Variants in MYH15 observed in about 807,000 individuals in gnomAD.
MYH15 encodes the protein myosin-15.
A neutral mutation model predicts 240.5 loss-of-function variants in MYH15; 227 were observed. That is an observed-to-expected ratio of 0.94 (90% CI 0.85 to 1.05). The LOEUF (loss-of-function observed/expected upper bound fraction) is 1.05, where lower values mean the gene tolerates loss of function less well. Ranked by LOEUF, MYH15 falls within the 50% of genes least tolerant of loss-of-function variation. MYH15 has a pLI of 0.00. For synonymous variants in MYH15, 785 were observed against 796.7 expected (o/e 0.99, Z 0.25); for missense variants, 2,217 against 2,247.5 (o/e 0.99, Z 0.27).
the MYH15 span, among the ~76,000 whole-genome samples, chr3:108,547,229 C>T: frequency 1.9e-3 from 284 of 152,106 alleles, no homozygotes; most frequent in Non-Finnish European, 3.5e-3. Flanking sequence ...TCTGGAACCC[C>T]TGCCTCAAAT....
At chr3:108,484,563 C>T (rs1253746921) in intron 11 of MYH15, among the ~76,000 whole-genome samples, 2 of 152,176 alleles carry the variant, frequency 1.3e-5, no homozygotes, top group African/African-American at 4.8e-5. Flanking sequence ...ACTACAACCT[C>T]TACCTCCCAG....
At chr3:108,483,985 G>T (rs1052304507) in intron 11 of MYH15, among the ~76,000 whole-genome samples, 1 of 152,150 alleles carries the variant, frequency 6.6e-6, no homozygotes, top group Non-Finnish European at 1.5e-5. Flanking sequence ...TGATGAAAAA[G>T]TTCTGGCAGT....
chr3:108,509,406 G>A lies in MYH15; in HGVS notation c.88+1037C>T, dbSNP rs989379634. 2.0e-5 allele frequency among the ~76,000 whole-genome samples: 3 copies of A among 152,108 alleles called. No homozygotes were observed. The South Asian group carries it at 6.2e-4, about 32-fold the overall frequency. On this transcript the variant is annotated intron_variant, in intron 1 of 40. Coordinates refer to ENST00000693548, the MANE Select transcript of MYH15 (RefSeq NM_014981.3). The stretch of plus-strand genomic sequence containing the variant: ...AACTACCTGCGATAAGCCTCTGCAT[G>A]ACCAGTTCTGACCTCAGGGATAGTT...
chr3:108,398,494 T>C (rs1272122831), intron 35 of MYH15, 143 bp downstream of exon 35: 1 of 732,300 alleles, frequency 1.4e-6, no homozygotes, highest in Admixed American at 2.3e-5. Flanking sequence ...TGGGAACAAA[T>C]GAAGAGTATG....
At chr3:108,468,852 G>C (rs948013825) in intron 14 of MYH15, among the ~76,000 whole-genome samples, 4 of 152,120 alleles carry the variant, frequency 2.6e-5, no homozygotes, top group Non-Finnish European at 5.9e-5. Context: ...TATTATAGGT[G>C]ACAATCGCCA....
chr3:108,489,126 T>C (rs1196856246), intron 9 of MYH15, among the ~76,000 whole-genome samples: 1 of 152,236 alleles, frequency 6.6e-6, no homozygotes, highest in Non-Finnish European at 1.5e-5. Flanking sequence ...TTCTTGCTAT[T>C]GAGTTGAGTT....
At chr3:108,444,922 C>G in intron 21 of MYH15, 27 bp from the exon 22 acceptor site, 2 of 1,581,314 alleles carry the variant, frequency 1.3e-6, no homozygotes, top group Non-Finnish European at 8.6e-7. Flanking sequence ...AAAAGAAAAG[C>G]AAGTTAGCCC....
chr3:108,499,312 T>C, intron 5 of MYH15, 143 bp downstream of exon 5: 2 of 853,934 alleles, frequency 2.3e-6, no homozygotes, highest in Admixed American at 2.6e-5. Context: ...CCTGAGTATC[T>C]TTTTCTTACC....
intron 24 of MYH15, among the ~76,000 whole-genome samples, chr3:108,438,804 T>C (rs1362233982): frequency 1.3e-5 from 2 of 152,098 alleles, no homozygotes; most frequent in African/African-American, 4.8e-5. Context: ...GCCACCCAGT[T>C]TATGGTATTT....
intron 24 of MYH15, 62 bp from the exon 25 acceptor site, chr3:108,437,761 G>A: frequency 6.7e-7 from 1 of 1,483,964 alleles, no homozygotes; most frequent in Non-Finnish European, 9.0e-7. Flanking sequence ...CACTAGATGT[G>A]TTCATTAACC....
At chr3:108,470,923 C>A in intron 12 of MYH15, 76 bp from the exon 13 acceptor site, 6 of 1,471,834 alleles carry the variant, frequency 4.1e-6, no homozygotes, top group Non-Finnish European at 5.6e-6. Flanking sequence ...CTATCAGCAA[C>A]TGCCTTCTAG....
At chr3:108,497,049 T>G (rs1193971768) in intron 6 of MYH15, among the ~76,000 whole-genome samples, 1 of 149,858 alleles carries the variant, frequency 6.7e-6, no homozygotes, top group Non-Finnish European at 1.5e-5. Flanking sequence ...TAGTCCCAGC[T>G]GCTCAGAAGG....
At chr3:108,468,114 C>T (rs760128707) in intron 14 of MYH15, among the ~76,000 whole-genome samples, 14 of 151,996 alleles carry the variant, frequency 9.2e-5, no homozygotes, top group African/African-American at 1.4e-4. Flanking sequence ...TACAGGCATG[C>T]GCCACCACAT....
rs1428611072 is a variant in MYH15 at position 108,416,751 on chromosome 3, C to T, written c.3948+61G>A. 154 of 1,227,592 alleles carry T rather than the reference C, an allele frequency of 1.3e-4. 1 individual carries two copies. Among genetic ancestry groups the T allele is most frequent in the South Asian group, 1.1e-3 (80 of 76,104 alleles). The allele number at this position is 1,227,592 out of a possible 1,614,324, so 76.0% of individuals were successfully genotyped here. A position where few individuals can be genotyped will look rare whatever the true frequency, so the allele number is the denominator to read the frequency against. On this transcript the variant is annotated intron_variant, in intron 29 of 40. Coordinates refer to ENST00000693548, the MANE Select transcript of MYH15 (RefSeq NM_014981.3). ...CATCTTCAGGCTGATTCATCAAGCA[C>T]TATTTTTTAAAAAAAAAAACACACA... is the stretch of plus-strand genomic sequence containing the variant.
chr3:108,504,389 AT>A (rs541155578), intron 2 of MYH15, among the ~76,000 whole-genome samples: 53 of 152,260 alleles, frequency 3.5e-4, no homozygotes, highest in Admixed American at 2.9e-3. Context: ...CTAATTTGAG[AT>A]TTTTTTACGT....
At chr3:108,419,431 T>C (rs1453654727) in intron 28 of MYH15, among the ~76,000 whole-genome samples, 1 of 152,188 alleles carries the variant, frequency 6.6e-6, no homozygotes, top group African/African-American at 2.4e-5. Flanking sequence ...AATTTCCTCA[T>C]CAAAAAAGTG....
In MYH15 at chr3:108,500,118, T is replaced by C. The variant is rs1174518267; in HGVS notation, c.496A>G (p.Asn166Asp). 4.3e-6 allele frequency: 7 copies of C among 1,612,800 alleles called. No individual in the cohort carries two copies. Among genetic ancestry groups the C allele is most frequent in the Non-Finnish European group, 5.9e-6 (7 of 1,179,586 alleles). Residue 166 changes from asparagine to aspartate, a missense_variant and splice_region_variant, in exon 4 of 41, where the codon AAT becomes GAT. By Grantham distance (23) the Asn-to-Asp change is conservative. Coordinates refer to ENST00000693548, the MANE Select transcript of MYH15 (RefSeq NM_014981.3). ...TTCATTTTGTAGGGCAGCTACTCAC[T>C]GTGAAGCATGTCCTGAAAGGCGTTA... Reference protein sequence around the residue: ...ANNAFQDMLHNRENQSILFTG... With the variant: ...ANNAFQDMLHDRENQSILFTG...
At chr3:108,478,016 C>G (rs997289955) in intron 11 of MYH15, among the ~76,000 whole-genome samples, 1 of 152,020 alleles carries the variant, frequency 6.6e-6, no homozygotes, top group African/African-American at 2.4e-5. Context: ...TGGAGATATG[C>G]TAGTATGTCT....
At position 108,399,587 on chromosome 3, in the gene MYH15, C is replaced by G. The variant is rs531276353; in HGVS notation, c.4737-320G>C. ...TATCTGATATCCCATAAAGGATGAC[C>G]TAGGGCAAGCACCTGGGTTTCCTGT... On this transcript the variant is annotated intron_variant, in intron 33 of 40. Coordinates refer to ENST00000693548, the MANE Select transcript of MYH15 (RefSeq NM_014981.3). Among the ~76,000 whole-genome samples the G allele has an allele frequency of 2.4e-4, 36 of 152,262 alleles. No individual in the cohort carries two copies. The East Asian group carries it at 6.7e-3, about 29-fold the overall frequency.
Sources: gnomAD v4.1 joint callset for allele counts (sites outside exome capture counted in the v4.1 genomes callset) on GRCh38, gnomAD v4.1.1 for gene constraint, MANE v1.5 for transcripts, NCBI Gene and HGNC (gene_info 2026-07-23, HGNC 2026-07-21) for gene names.